ADAM22: variants seen among roughly 807,000 people sequenced by gnomAD.
ADAM22 encodes disintegrin and metalloproteinase domain-containing protein 22.
ADAM22 carries 65 observed loss-of-function variants against 144.6 expected under a neutral mutation model. That is an observed-to-expected ratio of 0.45 (90% CI 0.37 to 0.55). The LOEUF is 0.55. Among genes scored for constraint, ADAM22 ranks in the 20% least tolerant of loss-of-function variants. The probability of loss-of-function intolerance (pLI) is 0.00; values close to 1 mark genes in which losing one functional copy is unlikely to be tolerated. For synonymous variants in ADAM22, 391 were observed against 412.6 expected (o/e 0.95, Z 0.63); for missense variants, 974 against 1,184.9 (o/e 0.82, Z 2.61).
At chr7:88,014,365 A>G (rs977980055) in intron 3 of ADAM22, among the ~76,000 whole-genome samples, 4 of 152,160 alleles carry the variant, frequency 2.6e-5, no homozygotes, top group African/African-American at 9.7e-5. Flanking sequence ...TCCCCATCAT[A>G]AACTTTTTCA....
At chr7:88,119,737 C>T (rs778880350) in intron 7 of ADAM22, among the ~76,000 whole-genome samples, 56 of 152,362 alleles carry the variant, frequency 3.7e-4, no homozygotes, top group Non-Finnish European at 6.6e-4. Context: ...GATCCACCCG[C>T]CTTGGCCTCC....
At chr7:88,153,606 A>G (rs1445974254) in intron 21 of ADAM22, among the ~76,000 whole-genome samples, 2 of 152,150 alleles carry the variant, frequency 1.3e-5, no homozygotes, top group Non-Finnish European at 2.9e-5. Flanking sequence ...AAAGAACTTA[A>G]AGCCACCAGA....
chr7:88,073,713 T>C (rs1813438587), intron 3 of ADAM22, among the ~76,000 whole-genome samples: 1 of 152,202 alleles, frequency 6.6e-6, no homozygotes, highest in Non-Finnish European at 1.5e-5. Context: ...CTGGGATACA[T>C]AGTGTTCATG....
chr7:88,026,294 C>T (rs1422496611), intron 3 of ADAM22, among the ~76,000 whole-genome samples: 1 of 152,170 alleles, frequency 6.6e-6, no homozygotes, highest in South Asian at 2.1e-4. Flanking sequence ...AAAGTGGGAG[C>T]AGGCATTTGA....
chr7:88,189,116 G>A (rs1207607328), intron 30 of ADAM22, among the ~76,000 whole-genome samples: 2 of 152,210 alleles, frequency 1.3e-5, no homozygotes, highest in Admixed American at 6.5e-5. Context: ...AGTGATCAGA[G>A]TGCCTCTGCT....
At chr7:88,107,070 A>G (rs540959926) in intron 4 of ADAM22, among the ~76,000 whole-genome samples, 9 of 152,314 alleles carry the variant, frequency 5.9e-5, no homozygotes, top group African/African-American at 2.2e-4. Flanking sequence ...CTGGTAATCA[A>G]TATAAACACT....
At chr7:87,964,596 C>T (rs548028069) in intron 2 of ADAM22, 22 of 406,888 alleles carry the variant, frequency 5.4e-5, no homozygotes, top group African/African-American at 3.4e-4. Context: ...TTTATTAGAA[C>T]GTGTTTGAAA....
At chr7:88,083,486 A>T (rs1332373496) in intron 4 of ADAM22, among the ~76,000 whole-genome samples, 2 of 152,062 alleles carry the variant, frequency 1.3e-5, no homozygotes, top group Non-Finnish European at 2.9e-5. Flanking sequence ...CTTAAAGTAT[A>T]TAAAAAAAAG....
At chr7:87,946,852 A>G (rs1342378550) in intron 2 of ADAM22, among the ~76,000 whole-genome samples, 1 of 152,236 alleles carries the variant, frequency 6.6e-6, no homozygotes, top group Admixed American at 6.5e-5. Context: ...GTACATATAT[A>G]CCATGGAATA....
chr7:87,944,373 G>C (rs1843072515), intron 2 of ADAM22, among the ~76,000 whole-genome samples: 1 of 152,136 alleles, frequency 6.6e-6, no homozygotes, highest in African/African-American at 2.4e-5. Context: ...TGATGCTACA[G>C]GAAGAGCTAC....
chr7:88,037,618 T>A (rs922608062), intron 3 of ADAM22, among the ~76,000 whole-genome samples: 2 of 152,120 alleles, frequency 1.3e-5, no homozygotes, highest in East Asian at 1.9e-4. Flanking sequence ...TTTTATTTTT[T>A]TTTGCCTATG....
intron 10 of ADAM22, among the ~76,000 whole-genome samples, chr7:88,130,839 A>G (rs1181072305): frequency 6.6e-6 from 1 of 152,124 alleles, no homozygotes; most frequent in Non-Finnish European, 1.5e-5. Flanking sequence ...CTATACCTCC[A>G]TACTTCCCAA....
In ADAM22 at chr7:88,164,336, A is replaced by G. The variant is rs149002190; in HGVS notation, c.2076+1156A>G. Among the ~76,000 whole-genome samples the G allele has an allele frequency of 2.6e-5, 4 of 152,212 alleles. No individual in the cohort carries two copies. The East Asian group carries it at 7.7e-4, about 29-fold the overall frequency. On this transcript the variant is annotated intron_variant, in intron 23 of 31. Coordinates refer to ENST00000413139, the MANE Select transcript of ADAM22 (RefSeq NM_001324418.2). The stretch of plus-strand genomic sequence containing the variant: ...TAATTAATTAGTAAAAGAATAATCA[A>G]TGCAAATAAATCAGATGGCAAATCA...
chr7:88,009,850 G>A (rs2129459337), intron 3 of ADAM22, among the ~76,000 whole-genome samples: 1 of 152,238 alleles, frequency 6.6e-6, no homozygotes, highest in Admixed American at 6.5e-5. Context: ...GATTGAGTCA[G>A]CACAGTGGGC....
intron 4 of ADAM22, among the ~76,000 whole-genome samples, chr7:88,091,334 T>A (rs1819787227): frequency 6.6e-6 from 1 of 152,232 alleles, no homozygotes; most frequent in Admixed American, 6.5e-5. Flanking sequence ...GTTGTATTTC[T>A]GTTTTACATC....
Position 88,168,196 on chromosome 7 carries a change from C to T in ADAM22, c.2251C>T (p.Leu751Phe). ...TGCTGGCACCATTTTAGTGCTGGCC[C>T]TCATATTAGGAATAACTGCGTGGGG... ...IIAGTILVLALILGITAWGYK... is the reference protein window; with the variant it reads ...IIAGTILVLAFILGITAWGYK... The change falls in exon 25 of 32, where the codon CTC becomes TTC. Residue 751 changes from leucine to phenylalanine, a missense_variant. Around this residue, in one of 2 missense-constraint regions of ADAM22, gnomAD observed 734 missense variants for 950.6 expected, o/e 0.77. Coordinates refer to ENST00000413139, the MANE Select transcript of ADAM22 (RefSeq NM_001324418.2). 6.2e-7 allele frequency: 1 copy of T among 1,613,122 alleles called. No individual in the cohort carries two copies. Among genetic ancestry groups the T allele is most frequent in the Non-Finnish European group, 8.5e-7 (1 of 1,179,502 alleles).
chr7:88,081,203 C>T (rs62486404), intron 4 of ADAM22, among the ~76,000 whole-genome samples: 56,972 of 151,906 alleles, frequency 0.38, 11,890 homozygotes, highest in East Asian at 0.62. Context: ...AATCAATAAA[C>T]GTAATCCAGC....
At chr7:87,972,010 G>A (rs1313800959) in intron 2 of ADAM22, among the ~76,000 whole-genome samples, 3 of 152,200 alleles carry the variant, frequency 2.0e-5, no homozygotes, top group Admixed American at 6.5e-5. Flanking sequence ...CTAACACAGT[G>A]AAACCCTGTC....
At chr7:88,151,390 C>T (rs1451778212) in intron 20 of ADAM22, 70 bp downstream of exon 20, 1 of 1,564,304 alleles carries the variant, frequency 6.4e-7, no homozygotes, top group Non-Finnish European at 8.8e-7. Flanking sequence ...GACGTGTGTG[C>T]TGGAAGTAAA....
Sources: gnomAD v4.1 joint callset for allele counts (sites outside exome capture counted in the v4.1 genomes callset) on GRCh38, gnomAD v4.1.1 for gene constraint, gnomAD v4.1.1 regional missense constraint, MANE v1.5 for transcripts, NCBI Gene and HGNC (gene_info 2026-07-23, HGNC 2026-07-21) for gene names.